The following YES1 variants were observed in gnomAD, a reference collection of about 807,000 sequenced individuals.
YES1 encodes the protein tyrosine-protein kinase Yes.
YES1 carries 39 observed loss-of-function variants against 70.4 expected under a neutral mutation model. The observed-to-expected ratio is 0.55, with a 90% confidence interval of 0.43 to 0.72. YES1 has a LOEUF of 0.72. Ranked by LOEUF, YES1 falls within the 30% of genes least tolerant of loss-of-function variation. The pLI is 0.00. For missense variants in YES1, 495 were observed against 644.8 expected, an observed-to-expected ratio of 0.77 and a Z score of 2.52; for synonymous variants, 198 against 218.6, an observed-to-expected ratio of 0.91 and a Z score of 0.83.
In YES1 at chr18:736,625, T is replaced by G. The variant is rs563353349; in HGVS notation, c.1291+183A>C. 4 of 742,466 alleles carry G rather than the reference T, an allele frequency of 5.4e-6. No individual in the cohort carries two copies. The East Asian group carries it at 8.9e-5, about 17-fold the overall frequency. 46.0% of individuals were successfully genotyped at this position (742,466 alleles called of 1,614,324 possible). On this transcript the variant is annotated intron_variant, in intron 10 of 11. Coordinates refer to ENST00000314574, the MANE Select transcript of YES1 (RefSeq NM_005433.4). ...ATGCAAAGGATACCTAGTCAAGTTC[T>G]TTCTTGGAGGAAATAACTATCAGAA...
intron 1 of YES1, among the ~76,000 whole-genome samples, chr18:798,928 CAT>C (rs1410865370): frequency 2.6e-5 from 4 of 152,204 alleles, no homozygotes; most frequent in African/African-American, 9.7e-5. Flanking sequence ...CTAGAATTTA[CAT>C]ATCACTAGCT....
intron 11 of YES1, among the ~76,000 whole-genome samples, chr18:726,920 G>A (rs2080027733): frequency 6.6e-6 from 1 of 151,764 alleles, no homozygotes; most frequent in African/African-American, 2.4e-5. Flanking sequence ...GAGTAAACAG[G>A]CGCTGTTGCT....
intron 2 of YES1, 44 bp downstream of exon 2, chr18:756,513 T>C: frequency 6.2e-7 from 1 of 1,607,118 alleles, no homozygotes; most frequent in African/African-American, 1.3e-5. Flanking sequence ...TTACCCAAGG[T>C]GATGTTCTCA....
At chr18:728,327 A>G (rs1035113976) in intron 11 of YES1, among the ~76,000 whole-genome samples, 11 of 151,876 alleles carry the variant, frequency 7.2e-5, no homozygotes, top group Middle Eastern at 6.8e-3. Context: ...TGTCTCAAAA[A>G]AAAAAAAATT....
chr18:739,175 TAA>T (rs1187075797), intron 9 of YES1: 1 of 152,218 alleles, frequency 6.6e-6, no homozygotes, highest in Non-Finnish European at 1.5e-5. Context: ...ACCACTGGAC[TAA>T]GAGTTAGATA....
At chr18:752,918 G>C (rs1050860613) in intron 2 of YES1, among the ~76,000 whole-genome samples, 12 of 152,092 alleles carry the variant, frequency 7.9e-5, no homozygotes, top group Non-Finnish European at 1.6e-4. Flanking sequence ...ACTGTAGCCT[G>C]GGTGACACAG....
In YES1 at chr18:724,244, TACATTAGAGTTTAATACTTGGGGAA is replaced by T. The variant is rs1361753561; in HGVS notation, c.*155_*179del. The T allele has an allele frequency of 4.9e-6, 3 of 607,024 alleles. No homozygotes were observed. In the African/African-American group the frequency reaches 5.6e-5, roughly 11 times the overall value. The allele number at this position is 607,024 out of a possible 1,614,324, so 37.6% of individuals were successfully genotyped here. A position where few individuals can be genotyped will look rare whatever the true frequency, so the allele number is the denominator to read the frequency against. ...AATACGCTGATAAATTCATCATTGG[TACATTAGAGTTTAATACTTGGGGAA>T]AAAAAAGTGGTTTTGTGCAACCATA... On this transcript the variant is annotated 3_prime_UTR_variant, in exon 12 of 12. Transcript: ENST00000314574.
chr18:764,135 GAA>G lies in YES1; in HGVS notation c.-8-7302_-8-7301del, dbSNP rs572795973. Among the ~76,000 whole-genome samples the G allele has an allele frequency of 4.4e-3, 626 of 141,906 alleles. 3 individuals carry two copies. The highest frequency in any genetic ancestry group is 0.015 in the African/African-American group (597 of 38,576). 93.1% of individuals were successfully genotyped at this position (141,906 alleles called of 152,430 possible). A position where few individuals can be genotyped will look rare whatever the true frequency, so the allele number is the denominator to read the frequency against. The stretch of plus-strand genomic sequence containing the variant: ...ACTCCCTCTCAAAAAAAAAAAAAAA[GAA>G]AAAGTCATTCATTCTTCAGTATTTA... On this transcript the variant is annotated intron_variant, in intron 1 of 11. Coordinates refer to ENST00000314574, the MANE Select transcript of YES1 (RefSeq NM_005433.4).
chr18:734,427 C>T (rs62088289), intron 10 of YES1, among the ~76,000 whole-genome samples: 18,086 of 149,804 alleles, frequency 0.12, 1,213 homozygotes, highest in East Asian at 0.28. Context: ...AGCTTGGTGG[C>T]AGGCACCTGT....
chr18:808,404 G>A (rs1249576662), intron 1 of YES1, among the ~76,000 whole-genome samples: 1 of 152,180 alleles, frequency 6.6e-6, no homozygotes, highest in African/African-American at 2.4e-5. Context: ...CTGAGAGGAA[G>A]AAAAGAGATA....
intron 10 of YES1, among the ~76,000 whole-genome samples, chr18:734,731 G>T (rs2080132140): frequency 6.6e-6 from 1 of 151,902 alleles, no homozygotes; most frequent in African/African-American, 2.4e-5. Flanking sequence ...GGTGAAAAGG[G>T]AACATTTTTC....
chr18:726,815 AT>A (rs67819665), intron 11 of YES1, among the ~76,000 whole-genome samples: 198 of 139,458 alleles, frequency 1.4e-3, no homozygotes, highest in African/African-American at 5.1e-3. Context: ...AAAAAAAAAA[AT>A]TCACATGGTA....
Position 756,950 on chromosome 18 carries a change from TAAAC to T in YES1, c.-8-119_-8-116del, listed in dbSNP as rs1255841693. On this transcript the variant is annotated intron_variant, in intron 1 of 11. Transcript: ENST00000314574. ...TATGCCATCCCTGCAAAAAGGAACA[TAAAC>T]AAAACAAAAAATAGAAAGCTGAAAA... is the stretch of plus-strand genomic sequence containing the variant. 4 of 1,033,710 alleles carry T rather than the reference TAAAC, an allele frequency of 3.9e-6. No homozygotes were observed. In the East Asian group the frequency reaches 1.0e-4, roughly 27 times the overall value. The allele number at this position is 1,033,710 out of a possible 1,614,324, so 64.0% of individuals were successfully genotyped here.
intron 1 of YES1, among the ~76,000 whole-genome samples, chr18:791,439 C>A (rs994056723): frequency 1.3e-5 from 2 of 152,054 alleles, no homozygotes; most frequent in Non-Finnish European, 2.9e-5. Flanking sequence ...CTTACAACCA[C>A]CCTTTCAGTT....
chr18:801,550 C>T (rs1906823114), intron 1 of YES1, among the ~76,000 whole-genome samples: 1 of 152,094 alleles, frequency 6.6e-6, no homozygotes, highest in Non-Finnish European at 1.5e-5. Context: ...AACCATCAGG[C>T]AATAAAGACC....
At chr18:803,666 T>G (rs1312617374) in intron 1 of YES1, among the ~76,000 whole-genome samples, 3 of 152,306 alleles carry the variant, frequency 2.0e-5, no homozygotes, top group Non-Finnish European at 4.4e-5. Context: ...CTGAGTCTCC[T>G]AACAGGGAAC....
chr18:776,180 A>G (rs535175179), intron 1 of YES1, among the ~76,000 whole-genome samples: 1 of 150,702 alleles, frequency 6.6e-6, no homozygotes, highest in East Asian at 2.0e-4. Context: ...TACATCATCA[A>G]TACTTGGTAT....
chr18:810,625 C>A lies in YES1; in HGVS notation c.-9+1489G>T, dbSNP rs114168210. Among the ~76,000 whole-genome samples the A allele has an allele frequency of 2.8e-3, 430 of 152,264 alleles. 4 individuals carry two copies. Among genetic ancestry groups the A allele is most frequent in the African/African-American group, 0.01 (417 of 41,552 alleles). ...GATATAAACTGTTTTGTTTTCAGAT[C>A]AAAGGCAATTGTCTTTTTCAAATGT... On this transcript the variant is annotated intron_variant, in intron 1 of 11. Coordinates refer to ENST00000314574, the MANE Select transcript of YES1 (RefSeq NM_005433.4).
chr18:746,245 C>T (rs956686030), intron 4 of YES1, among the ~76,000 whole-genome samples, 194 bp from the exon 5 acceptor site: 3 of 152,072 alleles, frequency 2.0e-5, no homozygotes, highest in African/African-American at 7.2e-5. Flanking sequence ...AGAATATACT[C>T]TTACAGTATT....
Sources: allele counts gnomAD v4.1 joint callset (sites outside exome capture counted in the v4.1 genomes callset), GRCh38; gene constraint gnomAD v4.1.1; transcripts MANE v1.5; gene names NCBI Gene and HGNC (gene_info 2026-07-23, HGNC 2026-07-21).